Variants in IL6R observed in about 807,000 individuals in gnomAD.
The protein encoded by IL6R is interleukin 6 receptor.
IL6R carries 38 observed loss-of-function variants against 48.3 expected under a neutral mutation model. The observed-to-expected ratio is 0.79, with a 90% CI of 0.61 to 1.03. The LOEUF (loss-of-function observed/expected upper bound fraction) is 1.03, where lower values mean the gene tolerates loss of function less well. Among genes scored for constraint, IL6R ranks in the 50% least tolerant of loss-of-function variants. IL6R has a pLI of 0.00. For synonymous variants in IL6R, 264 were observed against 256.2 expected (o/e 1.03, Z -0.29); for missense variants, 534 against 618.3 (o/e 0.86, Z 1.45).
At chr1:154,443,027 T>C (rs1281327819) in intron 6 of IL6R, among the ~76,000 whole-genome samples, 1 of 152,202 alleles carries the variant, frequency 6.6e-6, no homozygotes, top group Non-Finnish European at 1.5e-5. Context: ...CTCTGGGATT[T>C]ATAGCCATGA....
At chr1:154,435,249 C>A in intron 5 of IL6R, 93 bp downstream of exon 5, 3 of 1,233,114 alleles carry the variant, frequency 2.4e-6, no homozygotes, top group Non-Finnish European at 2.3e-6. Flanking sequence ...GTGGCTCACG[C>A]CTGTAATCCC....
At chr1:154,424,937 A>T (rs979814536) in intron 1 of IL6R, among the ~76,000 whole-genome samples, 2 of 152,126 alleles carry the variant, frequency 1.3e-5, no homozygotes, top group African/African-American at 4.8e-5. Flanking sequence ...AAGGGCTCAC[A>T]ACTCCAAAGG....
At position 154,405,857 on chromosome 1, in the gene IL6R, G is replaced by C; in HGVS notation, c.85+143G>C. On this transcript the variant is annotated intron_variant, in intron 1 of 9. Transcript: ENST00000368485. The surrounding 1 kb of genome is among the most constrained non-coding windows in gnomAD (Gnocchi z 5.2). ...TTCTGTGGCTGCCTTGAGGCCCCGC[G>C]GGTACCTAGCTGTGTGGTCGCGGGT... is the stretch of plus-strand genomic sequence containing the variant. The C allele has an allele frequency of 1.5e-6, 1 of 653,752 alleles. No individual in the cohort carries two copies. Among genetic ancestry groups the C allele is most frequent in the Non-Finnish European group, 2.5e-6 (1 of 402,512 alleles). 40.5% of individuals were successfully genotyped at this position (653,752 alleles called of 1,614,324 possible).
chr1:154,407,737 G>A (rs897880753), intron 1 of IL6R, among the ~76,000 whole-genome samples: 2 of 152,094 alleles, frequency 1.3e-5, no homozygotes, highest in African/African-American at 4.8e-5. Context: ...TGTTTTCCTC[G>A]GGATCAGCTG....
At chr1:154,447,476 T>TATATATATATATACAC (rs1424013885) in intron 6 of IL6R, among the ~76,000 whole-genome samples, 6 of 68,820 alleles carry the variant, frequency 8.7e-5, no homozygotes, top group Admixed American at 2.2e-4. Context: ...TATATATATA[T>TATATATATATATACAC]ACACACACAC....
rs764067079 is a variant in IL6R, at chr1:154,429,340, T to A, written c.230T>A (p.Met77Lys). The A allele has an allele frequency of 6.2e-6, 10 of 1,613,844 alleles. No individual in the cohort carries two copies. The highest frequency in any genetic ancestry group is 8.5e-6 in the Non-Finnish European group (10 of 1,179,984). The change falls in exon 2 of 10, where the codon ATG (methionine) becomes AAG (lysine). Residue 77 changes from methionine to lysine, a missense_variant. Met to Lys is a moderately conservative substitution (Grantham distance 95). Coordinates refer to ENST00000368485, the MANE Select transcript of IL6R (RefSeq NM_000565.4). ...AGSHPSRWAG[M>K]GRRLLLRSVQ... ...TCCCACCCCAGCAGATGGGCTGGCA[T>A]GGGAAGGAGGCTGCTGCTGAGGTCG...
intron 9 of IL6R, among the ~76,000 whole-genome samples, chr1:154,462,969 G>A (rs1194330324): frequency 2.6e-5 from 4 of 151,870 alleles, no homozygotes; most frequent in East Asian, 1.9e-4. Flanking sequence ...CACGACACCC[G>A]GCTAATTCTT....
At chr1:154,435,868 AGCTGAAGCACAGGGCTG>A in intron 5 of IL6R, 84 bp from the exon 6 acceptor site, 1 of 1,081,978 alleles carries the variant, frequency 9.2e-7, no homozygotes, top group Non-Finnish European at 1.3e-6. Context: ...GGCCTCTGCC[AGCTGAAGCACAGGGCTG>A]GCCAAGGCAC....
intron 6 of IL6R, among the ~76,000 whole-genome samples, chr1:154,447,496 C>CATATATAT (rs1194976872): frequency 2.9e-5 from 2 of 69,026 alleles, no homozygotes; most frequent in Admixed American, 1.8e-4. Flanking sequence ...CACACACACA[C>CATATATAT]ACACACATAT....
chr1:154,457,586 G>A (rs1260470245), intron 9 of IL6R, among the ~76,000 whole-genome samples: 2 of 152,086 alleles, frequency 1.3e-5, no homozygotes, highest in Non-Finnish European at 2.9e-5. Context: ...CGCTCCATTT[G>A]GTCATTGGTT....
chr1:154,424,775 G>A (rs1027217698), intron 1 of IL6R, among the ~76,000 whole-genome samples: 2 of 152,138 alleles, frequency 1.3e-5, no homozygotes, highest in Non-Finnish European at 2.9e-5. Context: ...GCACTGGACC[G>A]TGTGTTCAGT....
At chr1:154,417,976 G>A (rs1688448671) in intron 1 of IL6R, among the ~76,000 whole-genome samples, 1 of 151,966 alleles carries the variant, frequency 6.6e-6, no homozygotes, top group Non-Finnish European at 1.5e-5. Context: ...CTTGTGATCC[G>A]ACCTTCTCTG....
intron 2 of IL6R, 118 bp from the exon 3 acceptor site, chr1:154,430,365 G>A: frequency 4.5e-6 from 6 of 1,325,458 alleles, no homozygotes; most frequent in Non-Finnish European, 6.2e-6. Context: ...CTAGCTCCAG[G>A]GCTGGGGCCG....
intron 1 of IL6R, among the ~76,000 whole-genome samples, chr1:154,416,175 G>T (rs1688337552): frequency 6.6e-6 from 1 of 151,892 alleles, no homozygotes; most frequent in African/African-American, 2.4e-5. Context: ...TGTTGCCAAG[G>T]CTGGAGTGCA....
At chr1:154,442,869 C>A (rs929444654) in intron 6 of IL6R, among the ~76,000 whole-genome samples, 14 of 151,872 alleles carry the variant, frequency 9.2e-5, no homozygotes, top group Admixed American at 4.6e-4. Context: ...TCACTCCAGC[C>A]TTGAACTCCT....
intron 1 of IL6R, among the ~76,000 whole-genome samples, chr1:154,426,526 A>G (rs1338086901): frequency 6.6e-6 from 1 of 151,808 alleles, no homozygotes; most frequent in East Asian, 1.9e-4. Flanking sequence ...GTCTCAAAAA[A>G]AAAAAAAAAG....
At chr1:154,416,291 G>A (rs922163857) in intron 1 of IL6R, among the ~76,000 whole-genome samples, 4 of 151,338 alleles carry the variant, frequency 2.6e-5, no homozygotes, top group East Asian at 1.9e-4. Flanking sequence ...CACCATGACT[G>A]GCTAATTTAA....
rs1246395682 is a variant in IL6R, at chr1:154,467,022, C to G, written c.*1642C>G. On this transcript the variant is annotated 3_prime_UTR_variant, in exon 10 of 10. Coordinates refer to ENST00000368485, the MANE Select transcript of IL6R (RefSeq NM_000565.4). ...CCCAGGTGGTTATGGAGAGGGTGTCCGGTCCCTGTCCCAGTGCCGAGAAGG... is the reference window on the plus strand; with the variant it reads ...CCCAGGTGGTTATGGAGAGGGTGTCGGGTCCCTGTCCCAGTGCCGAGAAGG... 6.6e-6 allele frequency: 1 copy of G among 152,394 alleles called. No homozygotes were observed. 9.4% of individuals were successfully genotyped at this position (152,394 alleles called of 1,614,324 possible).
rs1360721660 is a variant in IL6R, at chr1:154,434,851, A to T, written c.641-139A>T. The T allele has an allele frequency of 5.8e-6, 7 of 1,196,688 alleles. No homozygotes were observed. In the East Asian group the frequency reaches 1.7e-4, roughly 30 times the overall value. 74.1% of individuals were successfully genotyped at this position (1,196,688 alleles called of 1,614,324 possible). ...TTGCTTGCCGGGAGGTGTGGCAATG[A>T]TAAAGCAGGCCCTTGTGGAGCTGTG... On this transcript the variant is annotated intron_variant, in intron 4 of 9. Transcript: ENST00000368485.
Sources: allele counts gnomAD v4.1 joint callset (sites outside exome capture counted in the v4.1 genomes callset), GRCh38; gene constraint gnomAD v4.1.1; non-coding constraint Gnocchi (gnomAD v3.1); transcripts MANE v1.5; gene names NCBI Gene and HGNC (gene_info 2026-07-23, HGNC 2026-07-21).